Variants in CCBE1 observed in about 807,000 individuals in gnomAD.
CCBE1 encodes collagen and calcium binding EGF domains 1.
In CCBE1, 37 loss-of-function variants were observed where a neutral mutation model predicts 50.0. The ratio of observed to expected loss-of-function variants is 0.74; its 90% CI spans 0.57 to 0.97. The LOEUF (loss-of-function observed/expected upper bound fraction) is 0.97, where lower values mean the gene tolerates loss of function less well. Ranked by LOEUF, CCBE1 falls within the 50% of genes least tolerant of loss-of-function variation. The probability of loss-of-function intolerance (pLI) is 0.00; values close to 1 mark genes in which losing one functional copy is unlikely to be tolerated. For synonymous variants in CCBE1, 234 were observed against 203.7 expected (o/e 1.15, Z -1.27); for missense variants, 538 against 523.8 (o/e 1.03, Z -0.26).
chr18:59,554,078 C>T (rs1002577080), intron 2 of CCBE1, among the ~76,000 whole-genome samples: 23 of 152,232 alleles, frequency 1.5e-4, no homozygotes, highest in Non-Finnish European at 2.1e-4. Context: ...TCACAACTCA[C>T]TGCAACCAGT....
chr18:59,591,606 C>T (rs2053270468), intron 2 of CCBE1, among the ~76,000 whole-genome samples: 1 of 152,076 alleles, frequency 6.6e-6, no homozygotes. Context: ...AAGAGATTTC[C>T]AAGTCTACCC....
chr18:59,664,307 A>G (rs1159659532), intron 2 of CCBE1, among the ~76,000 whole-genome samples: 1 of 152,098 alleles, frequency 6.6e-6, no homozygotes, highest in Non-Finnish European at 1.5e-5. Flanking sequence ...GGGGAGACAC[A>G]CTCAGACCAC....
At chr18:59,596,234 G>A (rs1310914301) in intron 2 of CCBE1, among the ~76,000 whole-genome samples, 2 of 152,168 alleles carry the variant, frequency 1.3e-5, no homozygotes, top group Admixed American at 6.5e-5. Context: ...GGAGGACACA[G>A]GGGAGAGAAA....
intron 5 of CCBE1, among the ~76,000 whole-genome samples, chr18:59,459,826 G>A (rs2143692583): frequency 6.6e-6 from 1 of 152,252 alleles, no homozygotes; most frequent in African/African-American, 2.4e-5. Context: ...CCCGTCTGGG[G>A]ATGGCAAGGC....
chr18:59,476,197 T>C (rs1407152205), intron 3 of CCBE1, among the ~76,000 whole-genome samples: 1 of 152,180 alleles, frequency 6.6e-6, no homozygotes, highest in Non-Finnish European at 1.5e-5. Context: ...CCACACTTCA[T>C]GGTGCTTTTA....
intron 2 of CCBE1, among the ~76,000 whole-genome samples, chr18:59,604,180 G>A (rs532979317): frequency 2.2e-4 from 33 of 152,302 alleles, no homozygotes; most frequent in African/African-American, 6.5e-4. Context: ...TAAGAGCTTC[G>A]CTGACGGAGG....
rs1910036962 is a variant in CCBE1, at chr18:59,433,895, T to A, written c.*2013A>T. 1 of 24,178 alleles carries A rather than the reference T, an allele frequency of 4.1e-5. No homozygotes were observed. Among genetic ancestry groups the A allele is most frequent in the African/African-American group, 1.3e-4 (1 of 7,504 alleles). The allele number at this position is 24,178 out of a possible 1,614,324, so 1.5% of individuals were successfully genotyped here. A position where few individuals can be genotyped will look rare whatever the true frequency, so the allele number is the denominator to read the frequency against. On this transcript the variant is annotated 3_prime_UTR_variant, in exon 11 of 11. Transcript: ENST00000439986. The stretch of plus-strand genomic sequence containing the variant: ...GCATGAGCCACCAAGCCCGGCCTTT[T>A]TTTTTTTTTTTTTTTTTTTTTAATG...
intron 2 of CCBE1, among the ~76,000 whole-genome samples, chr18:59,638,431 A>G (rs919192503): frequency 6.6e-6 from 1 of 152,118 alleles, no homozygotes. Context: ...CTGGACCAGC[A>G]GCATCAGCAC....
intron 4 of CCBE1, among the ~76,000 whole-genome samples, chr18:59,468,049 C>T (rs1405335972): frequency 1.3e-5 from 2 of 152,144 alleles, no homozygotes; most frequent in African/African-American, 4.8e-5. Flanking sequence ...AGAAATAGAA[C>T]TCTTAGTAGA....
chr18:59,653,011 C>T (rs1214870483), intron 2 of CCBE1, among the ~76,000 whole-genome samples: 1 of 152,186 alleles, frequency 6.6e-6, no homozygotes, highest in Admixed American at 6.5e-5. Flanking sequence ...TGCCAGCCCC[C>T]CGTTAAAGGA....
chr18:59,447,312 A>G (rs1910720830), intron 7 of CCBE1, among the ~76,000 whole-genome samples: 1 of 152,184 alleles, frequency 6.6e-6, no homozygotes. Flanking sequence ...GTCTGCCTAG[A>G]CTGGGAGTTG....
At chr18:59,437,948 A>T (rs1429154424) in intron 10 of CCBE1, among the ~76,000 whole-genome samples, 163 bp downstream of exon 10, 1 of 152,240 alleles carries the variant, frequency 6.6e-6, no homozygotes, top group Non-Finnish European at 1.5e-5. Context: ...ACTAGCAGCT[A>T]AGGGCTTCTA....
chr18:59,526,459 A>G (rs4940887), intron 2 of CCBE1, among the ~76,000 whole-genome samples: 119,002 of 151,662 alleles, frequency 0.78, 46,801 homozygotes, highest in Admixed American at 0.82. Context: ...ACAGGCACCC[A>G]CCACTATGCC....
At position 59,435,486 on chromosome 18, in the gene CCBE1, T is replaced by C. The variant is rs1324209670; in HGVS notation, c.*422A>G. The C allele has an allele frequency of 1.1e-5, 3 of 269,166 alleles. No individual in the cohort carries two copies. Among genetic ancestry groups the C allele is most frequent in the Non-Finnish European group, 2.2e-5 (3 of 138,876 alleles). 16.7% of individuals were successfully genotyped at this position (269,166 alleles called of 1,614,324 possible). A position where few individuals can be genotyped will look rare whatever the true frequency, so the allele number is the denominator to read the frequency against. ...TGATACTAGAGGAGTTATGGTCTAT[T>C]GTGAACACACATCTTAGAAGTAGCC... On this transcript the variant is annotated 3_prime_UTR_variant, in exon 11 of 11. Coordinates refer to ENST00000439986, the MANE Select transcript of CCBE1 (RefSeq NM_133459.4).
At chr18:59,491,548 T>C (rs1189880268) in intron 2 of CCBE1, among the ~76,000 whole-genome samples, 1 of 151,984 alleles carries the variant, frequency 6.6e-6, no homozygotes, top group Non-Finnish European at 1.5e-5. Flanking sequence ...CCGTGGTGAC[T>C]TATGCCTGGA....
rs1230707533 is a variant in CCBE1 at position 59,433,546 on chromosome 18, C to T, written c.*2362G>A. 1 of 152,044 alleles carries T rather than the reference C, an allele frequency of 6.6e-6. No homozygotes were observed. Among genetic ancestry groups the T allele is most frequent in the South Asian group, 2.1e-4 (1 of 4,806 alleles). The allele number at this position is 152,044 out of a possible 1,614,324, so 9.4% of individuals were successfully genotyped here. On this transcript the variant is annotated 3_prime_UTR_variant, in exon 11 of 11. Coordinates refer to ENST00000439986, the MANE Select transcript of CCBE1 (RefSeq NM_133459.4). Reference sequence around the variant, plus strand: ...CTGTTGCCACTAGAGGTTTGCAAAGCCCCTTCCTAACATTCTTAAGGAAGA... The same window carrying T: ...CTGTTGCCACTAGAGGTTTGCAAAGTCCCTTCCTAACATTCTTAAGGAAGA...
At chr18:59,437,483 TAGA>T (rs1226253652) in intron 10 of CCBE1, among the ~76,000 whole-genome samples, 1 of 152,104 alleles carries the variant, frequency 6.6e-6, no homozygotes, top group Non-Finnish European at 1.5e-5. Context: ...AGCCAGCAGG[TAGA>T]AGAGTTGAGA....
rs565243496 is a variant in CCBE1, at chr18:59,493,955, C to T, written c.213-13717G>A. 1.1e-4 allele frequency among the ~76,000 whole-genome samples: 17 copies of T among 152,244 alleles called. No homozygotes were observed. In the South Asian group the frequency reaches 1.2e-3, roughly 11 times the overall value. On this transcript the variant is annotated intron_variant, in intron 2 of 10. Transcript: ENST00000439986. ...GCACAAGCTCTCTCTCTTTGCCTGCCACCATCCATGTAAGATGTGACTTGT... is the reference window on the plus strand; with the variant it reads ...GCACAAGCTCTCTCTCTTTGCCTGCTACCATCCATGTAAGATGTGACTTGT...
Position 59,667,614 on chromosome 18 carries a change from G to A in CCBE1, c.212+29015C>T, listed in dbSNP as rs575355299. On this transcript the variant is annotated intron_variant, in intron 2 of 10. Coordinates refer to ENST00000439986, the MANE Select transcript of CCBE1 (RefSeq NM_133459.4). Reference sequence around the variant, plus strand: ...AGCACGCAGCCAATACCAACCCACCGCTCTGGAGAAAGTTGAGGAGGAAAT... The same window carrying A: ...AGCACGCAGCCAATACCAACCCACCACTCTGGAGAAAGTTGAGGAGGAAAT... Among the ~76,000 whole-genome samples, 110 of 152,262 alleles carry A rather than the reference G, an allele frequency of 7.2e-4. 1 individual carries two copies. The highest frequency in any genetic ancestry group is 2.5e-3 in the African/African-American group (103 of 41,556).
Sources: allele counts gnomAD v4.1 joint callset (sites outside exome capture counted in the v4.1 genomes callset), GRCh38; gene constraint gnomAD v4.1.1; transcripts MANE v1.5; gene names NCBI Gene and HGNC (gene_info 2026-07-23, HGNC 2026-07-21).